ARRDC1: variants seen among roughly 807,000 people sequenced by gnomAD.
The protein encoded by ARRDC1 is arrestin domain containing 1.
A neutral mutation model predicts 40.1 loss-of-function variants in ARRDC1; 37 were observed. That is an observed-to-expected ratio of 0.92 (90% CI 0.71 to 1.21). The LOEUF is 1.21. Ranked by LOEUF, ARRDC1 falls within the 50% of genes most tolerant of loss-of-function variation. The pLI is 0.00. For missense variants in ARRDC1, 641 were observed against 581.9 expected (o/e 1.10, Z -1.04); for synonymous variants, 310 against 262.5 (o/e 1.18, Z -1.75).
chr9:137,607,563 C>T (rs939007963), intron 1 of ARRDC1, among the ~76,000 whole-genome samples: 4 of 152,200 alleles, frequency 2.6e-5, no homozygotes, highest in African/African-American at 4.8e-5. Flanking sequence ...CTGGGATGGG[C>T]GACCAGGGCC....
In ARRDC1 at chr9:137,614,694, G is replaced by A. The variant is rs748950611; in HGVS notation, c.931G>A (p.Ala311Thr). The A allele has an allele frequency of 5.5e-5, 88 of 1,611,210 alleles. No homozygotes were observed. The highest frequency in any genetic ancestry group is 1.6e-4 in the Middle Eastern group (1 of 6,074). The change falls in exon 7 of 8, where the codon GCA (alanine) becomes ACA (threonine). Residue 311 changes from alanine to threonine, a missense_variant. By Grantham distance (58) the Ala-to-Thr change is moderately conservative. Transcript: ENST00000371421. ...GGCCCCACCCCTGGTGGTGCCTTCCGCACCACCCCAGGAGGAGGCTGAGGC... is the reference window on the plus strand; with the variant it reads ...GGCCCCACCCCTGGTGGTGCCTTCCACACCACCCCAGGAGGAGGCTGAGGC... ...PGAPPLVVPS[A>T]PPQEEAEAEA...
chr9:137,614,643 C>G lies in ARRDC1; in HGVS notation c.880C>G (p.Arg294Gly). The change falls in exon 7 of 8, where the codon CGG (arginine) becomes GGG (glycine). Residue 294 changes from arginine to glycine, a missense_variant. Coordinates refer to ENST00000371421, the MANE Select transcript of ARRDC1 (RefSeq NM_152285.4). ...TGTGAACCATGCCCCAGTGAGCCCC[C>G]GGCCAGGCCTGGGGCTGCCTCCTGG... is the stretch of plus-strand genomic sequence containing the variant. ...IAVNHAPVSP[R>G]PGLGLPPGAP... 6.2e-7 allele frequency: 1 copy of G among 1,612,874 alleles called. No homozygotes were observed.
chr9:137,607,275 G>C (rs764542622), intron 1 of ARRDC1, among the ~76,000 whole-genome samples: 76 of 152,234 alleles, frequency 5.0e-4, no homozygotes, highest in Admixed American at 7.9e-4. Flanking sequence ...GAAGGACCAT[G>C]GTTTCTTTTC....
At chr9:137,609,156 A>G (rs550764786) in intron 1 of ARRDC1, among the ~76,000 whole-genome samples, 1 of 152,324 alleles carries the variant, frequency 6.6e-6, no homozygotes, top group Non-Finnish European at 1.5e-5. Context: ...ACTCTTTGCC[A>G]GAACCTCGTA....
rs1842637935 is a variant in ARRDC1 at position 137,614,858 on chromosome 9, T to C, written c.1095T>C (p.Pro365=). Residue 365 remains proline, a synonymous_variant, in exon 7 of 8, where the codon CCT becomes CCC. Transcript: ENST00000371421. ...AGCCCTGCCCTCAGGATGGCAGCCCTGCCTCACACCCGCTGCACCCTCCCT... is the reference window on the plus strand; with the variant it reads ...AGCCCTGCCCTCAGGATGGCAGCCCCGCCTCACACCCGCTGCACCCTCCCT... ...APEPCPQDGS[P]ASHPLHPPLC... 3.1e-6 allele frequency: 5 copies of C among 1,613,448 alleles called. No individual in the cohort carries two copies. The South Asian group carries it at 4.4e-5, about 14-fold the overall frequency.
At chr9:137,607,372 C>G (rs1252199560) in intron 1 of ARRDC1, among the ~76,000 whole-genome samples, 2 of 152,224 alleles carry the variant, frequency 1.3e-5, no homozygotes, top group Non-Finnish European at 2.9e-5. Flanking sequence ...GCCTGGGCCC[C>G]AGAGCTTGCT....
rs1238304247 is a variant in ARRDC1, at chr9:137,605,849, C to A, written c.118+14C>A. ...TGCCGTTCCGAGGTGGGCGCGGGTCCTCGGGGAGGGCCTTTGGCCGCACCT... is the reference window on the plus strand; with the variant it reads ...TGCCGTTCCGAGGTGGGCGCGGGTCATCGGGGAGGGCCTTTGGCCGCACCT... On this transcript the variant is annotated intron_variant, in intron 1 of 7. Coordinates refer to ENST00000371421, the MANE Select transcript of ARRDC1 (RefSeq NM_152285.4). 4.8e-6 allele frequency: 6 copies of A among 1,238,136 alleles called. No homozygotes were observed. The highest frequency in any genetic ancestry group is 3.3e-5 in the East Asian group (1 of 30,330). 76.7% of individuals were successfully genotyped at this position (1,238,136 alleles called of 1,614,324 possible). A position where few individuals can be genotyped will look rare whatever the true frequency, so the allele number is the denominator to read the frequency against.
chr9:137,614,193 T>C lies in ARRDC1; in HGVS notation c.597T>C (p.Pro199=), dbSNP rs1199901251. ...ACCAGTCAGGCAAGGACACCAGCCC[T>C]GTGGTGGCCAGTCTGCTGCAGGTCA... The part of the protein sequence containing the change: ...VENQSGKDTS[P]VVASLLQKVS... The change falls in exon 5 of 8, where the codon CCT becomes CCC. Residue 199 remains proline, a synonymous_variant. Coordinates refer to ENST00000371421, the MANE Select transcript of ARRDC1 (RefSeq NM_152285.4). The C allele has an allele frequency of 1.9e-6, 3 of 1,601,874 alleles. No homozygotes were observed. The highest frequency in any genetic ancestry group is 1.1e-5 in the South Asian group (1 of 90,292).
intron 2 of ARRDC1, 166 bp from the exon 3 acceptor site, chr9:137,613,294 G>C: frequency 2.4e-6 from 2 of 827,988 alleles, no homozygotes; most frequent in Non-Finnish European, 3.9e-6. Context: ...CTTATCCTCA[G>C]TCCTTCACCC....
Position 137,612,948 on chromosome 9 carries a change from C to T in ARRDC1, c.171C>T (p.Asp57=), listed in dbSNP as rs1311768707. Reference sequence around the variant, plus strand: ...GCGGGGTCTCCAACAAGGCTAATGACACAGCGTGGGTAGTGGAGGAGGGTT... The same window carrying T: ...GCGGGGTCTCCAACAAGGCTAATGATACAGCGTGGGTAGTGGAGGAGGGTT... ...GSCGVSNKAN[D]TAWVVEEGYF... is the part of the protein sequence containing the mutation. Residue 57 remains aspartate, a synonymous_variant, in exon 2 of 8, where the codon GAC becomes GAT. Coordinates refer to ENST00000371421, the MANE Select transcript of ARRDC1 (RefSeq NM_152285.4). 6.2e-7 allele frequency: 1 copy of T among 1,614,106 alleles called. No individual in the cohort carries two copies. Among genetic ancestry groups the T allele is most frequent in the African/African-American group, 1.3e-5 (1 of 74,956 alleles).
rs147978858 is a variant in ARRDC1, at chr9:137,612,695, G to A, written c.119-201G>A. The A allele has an allele frequency of 8.4e-4, 464 of 549,968 alleles. 1 individual carries two copies. The highest frequency in any genetic ancestry group is 8.1e-3 in the African/African-American group (428 of 52,710). The allele number at this position is 549,968 out of a possible 1,614,324, so 34.1% of individuals were successfully genotyped here. ...TCGTTTTGTGCTGGTCAGGCCCCTC[G>A]CCTGCCTGATTCCCTTGGAGCCCCC... On this transcript the variant is annotated intron_variant, in intron 1 of 7. Transcript: ENST00000371421.
In ARRDC1 at chr9:137,614,635, T is replaced by C; in HGVS notation, c.872T>C (p.Val291Ala). The change falls in exon 7 of 8, where the codon GTG becomes GCG. Residue 291 changes from valine to alanine, a missense_variant. Coordinates refer to ENST00000371421, the MANE Select transcript of ARRDC1 (RefSeq NM_152285.4). ...AATATTGCTGTGAACCATGCCCCAG[T>C]GAGCCCCCGGCCAGGCCTGGGGCTG... ...IGNIAVNHAP[V>A]SPRPGLGLPP... The C allele has an allele frequency of 1.2e-6, 2 of 1,612,788 alleles. No individual in the cohort carries two copies. Among genetic ancestry groups the C allele is most frequent in the Non-Finnish European group, 1.7e-6 (2 of 1,179,844 alleles).
chr9:137,607,908 C>T (rs1842450436), intron 1 of ARRDC1, among the ~76,000 whole-genome samples: 2 of 152,018 alleles, frequency 1.3e-5, no homozygotes, highest in Non-Finnish European at 2.9e-5. Flanking sequence ...TCCTTAGAGT[C>T]AGAGAGGCCT....
chr9:137,614,756 C>T lies in ARRDC1; in HGVS notation c.993C>T (p.Pro331=), dbSNP rs373098459. Residue 331 remains proline (P), a synonymous_variant, in exon 7 of 8, where the codon CCC becomes CCT. Transcript: ENST00000371421. ...CTGGCGGCCCCCACTTCTTGGACCC[C>T]GTCTTCCTCTCCACCAAGAGCCATT... ...AAAGGPHFLD[P]VFLSTKSHSQ... is the part of the protein sequence containing the mutation. 6.4e-5 allele frequency: 103 copies of T among 1,610,054 alleles called. No homozygotes were observed. Among genetic ancestry groups the T allele is most frequent in the African/African-American group, 2.3e-4 (17 of 74,942 alleles).
At chr9:137,613,409 T>G in intron 2 of ARRDC1, 51 bp from the exon 3 acceptor site, 23 of 1,559,198 alleles carry the variant, frequency 1.5e-5, no homozygotes, top group Non-Finnish European at 1.9e-5. Context: ...TGTGGCCACC[T>G]CAGGCCACCT....
chr9:137,607,631 G>A (rs1387850962), intron 1 of ARRDC1, among the ~76,000 whole-genome samples: 1 of 152,208 alleles, frequency 6.6e-6, no homozygotes, highest in Non-Finnish European at 1.5e-5. Flanking sequence ...CACGTGCCAC[G>A]GGCCAGCCTC....
At chr9:137,606,940 G>C (rs1369709619) in intron 1 of ARRDC1, among the ~76,000 whole-genome samples, 1 of 152,238 alleles carries the variant, frequency 6.6e-6, no homozygotes, top group Non-Finnish European at 1.5e-5. Context: ...CTTACCACAG[G>C]GAAGGGACGG....
intron 1 of ARRDC1, among the ~76,000 whole-genome samples, chr9:137,610,804 C>A (rs1842502143): frequency 6.6e-6 from 1 of 152,208 alleles, no homozygotes; most frequent in Non-Finnish European, 1.5e-5. Context: ...CTCAGGTGAT[C>A]TGCCTGCCTT....
chr9:137,614,238 G>A, intron 5 of ARRDC1, 24 bp downstream of exon 5: 1 of 1,579,634 alleles, frequency 6.3e-7, no homozygotes, highest in Non-Finnish European at 8.6e-7. Context: ...CCAGTTGCCT[G>A]GACCGGCCTC....
Sources: gnomAD v4.1 joint callset for allele counts (sites outside exome capture counted in the v4.1 genomes callset) on GRCh38, gnomAD v4.1.1 for gene constraint, MANE v1.5 for transcripts, NCBI Gene and HGNC (gene_info 2026-07-23, HGNC 2026-07-21) for gene names.